ANKRD31: variants seen among roughly 807,000 people sequenced by gnomAD.
The protein encoded by ANKRD31 is ankyrin repeat domain 31.
A neutral mutation model predicts 186.0 loss-of-function variants in ANKRD31; 147 were observed. The ratio of observed to expected loss-of-function variants is 0.79; its 90% CI spans 0.69 to 0.91. The LOEUF (loss-of-function observed/expected upper bound fraction) is 0.91. Among genes scored for constraint, ANKRD31 ranks in the 40% least tolerant of loss-of-function variants. The pLI, the probability that ANKRD31 is intolerant of heterozygous loss-of-function variation, is 0.00. For synonymous variants in ANKRD31, 673 were observed against 736.4 expected (o/e 0.91, Z 1.39); for missense variants, 1,986 against 2,148.8 (o/e 0.92, Z 1.50).
At chr5:75,199,757 T>C (rs940647973) in intron 5 of ANKRD31, 83 bp from the exon 6 acceptor site, 47 of 990,356 alleles carry the variant, frequency 4.7e-5, no homozygotes, top group Non-Finnish European at 6.4e-5. Context: ...CATAATCATA[T>C]AACTTAAACT....
intron 15 of ANKRD31, among the ~76,000 whole-genome samples, chr5:75,142,783 A>C (rs549615738): frequency 9.9e-5 from 15 of 152,222 alleles, no homozygotes; most frequent in Admixed American, 3.3e-4. Flanking sequence ...TGTTTTAGGG[A>C]ATCCCAGATG....
chr5:75,075,862 C>G (rs1298933708), intron 25 of ANKRD31, among the ~76,000 whole-genome samples: 1 of 152,124 alleles, frequency 6.6e-6, no homozygotes, highest in Non-Finnish European at 1.5e-5. Flanking sequence ...GGATGTTTTA[C>G]TCTGGATCCA....
At chr5:75,232,934 T>C (rs1458263971) in intron 1 of ANKRD31, among the ~76,000 whole-genome samples, 1 of 152,230 alleles carries the variant, frequency 6.6e-6, no homozygotes, top group Non-Finnish European at 1.5e-5. Context: ...CAAACAGATC[T>C]TGTTAAAATA....
chr5:75,208,274 T>C (rs1756381692), intron 4 of ANKRD31, among the ~76,000 whole-genome samples: 1 of 152,130 alleles, frequency 6.6e-6, no homozygotes, highest in African/African-American at 2.4e-5. Context: ...ATAGCCTTTT[T>C]GGATAATTGT....
intron 17 of ANKRD31, 59 bp downstream of exon 17, chr5:75,137,797 T>C: frequency 7.7e-7 from 1 of 1,307,184 alleles, no homozygotes. Context: ...AAAATCTTCA[T>C]TTTCTTCATT....
chr5:75,220,854 C>G (rs1481764675), intron 3 of ANKRD31, among the ~76,000 whole-genome samples: 2 of 152,116 alleles, frequency 1.3e-5, no homozygotes, highest in Admixed American at 1.3e-4. Context: ...AACCCCAGCA[C>G]TTTGGGAGGT....
At position 75,117,960 on chromosome 5, in the gene ANKRD31, A is replaced by G. The variant is rs181989030; in HGVS notation, c.4039+175T>C. 9.7e-4 allele frequency among the ~76,000 whole-genome samples: 147 copies of G among 152,280 alleles called. 1 individual carries two copies. Among genetic ancestry groups the G allele is most frequent in the Non-Finnish European group, 1.8e-3 (120 of 68,020 alleles). On this transcript the variant is annotated intron_variant, in intron 18 of 25. Transcript: ENST00000506364. The stretch of plus-strand genomic sequence containing the variant: ...ATCCAGTAGGATCATATGATCTATA[A>G]ATTAAACCAAATTGTAAATGCCAAT...
intron 17 of ANKRD31, among the ~76,000 whole-genome samples, chr5:75,127,184 CA>C (rs5868764): frequency 0.24 from 28,384 of 120,186 alleles, 2,786 homozygotes; most frequent in South Asian, 0.43. Context: ...GACTCCATCT[CA>C]AAAAAAAAAA....
intron 22 of ANKRD31, among the ~76,000 whole-genome samples, chr5:75,098,742 TG>T (rs1246414506): frequency 3.3e-5 from 5 of 152,242 alleles, no homozygotes; most frequent in Non-Finnish European, 5.9e-5. Context: ...TGTCTGTTGT[TG>T]GTGTATAGAA....
At chr5:75,083,721 A>G (rs1745263772) in intron 24 of ANKRD31, among the ~76,000 whole-genome samples, 1 of 149,856 alleles carries the variant, frequency 6.7e-6, no homozygotes, top group Admixed American at 6.7e-5. Context: ...CAAGGGCAAA[A>G]CTCTCGTCTC....
At chr5:75,142,602 TA>T (rs1403730082) in intron 15 of ANKRD31, among the ~76,000 whole-genome samples, 5 of 152,128 alleles carry the variant, frequency 3.3e-5, no homozygotes, top group African/African-American at 1.2e-4. Context: ...ATATCTTTCA[TA>T]TTGGTGTTTT....
chr5:75,155,161 CA>C (rs1752081214), intron 11 of ANKRD31, among the ~76,000 whole-genome samples: 1 of 152,010 alleles, frequency 6.6e-6, no homozygotes, highest in South Asian at 2.1e-4. Context: ...AAATACAATG[CA>C]AAATAAGTTT....
intron 3 of ANKRD31, among the ~76,000 whole-genome samples, chr5:75,213,090 C>A (rs1380184759): frequency 2.0e-5 from 3 of 152,094 alleles, no homozygotes; most frequent in African/African-American, 7.2e-5. Context: ...CCTAAACACC[C>A]CAAAGTTACA....
At chr5:75,131,641 T>C (rs1322327613) in intron 17 of ANKRD31, among the ~76,000 whole-genome samples, 1 of 152,210 alleles carries the variant, frequency 6.6e-6, no homozygotes, top group Non-Finnish European at 1.5e-5. Flanking sequence ...CGTCCCTGTC[T>C]GACAGCTTTG....
Position 75,188,542 on chromosome 5 carries a change from A to G in ANKRD31, c.1515T>C (p.Val505=), listed in dbSNP as rs1754889474. ...TTCCACCTTTTTTTATACAATGATG[A>G]ACAAGATCAGCATCATCGTGTAGAG... ...KAALHDDADL[V]HHCIKKGGNV... The change falls in exon 10 of 26, where the codon GTT becomes GTC. Residue 505 remains valine, a synonymous_variant. Transcript: ENST00000506364. The G allele has an allele frequency of 6.5e-7, 1 of 1,536,308 alleles. No individual in the cohort carries two copies.
At chr5:75,199,212 G>T (rs10077292) in intron 6 of ANKRD31, among the ~76,000 whole-genome samples, 75 of 151,974 alleles carry the variant, frequency 4.9e-4, no homozygotes, top group Admixed American at 4.7e-3. Context: ...TATCTCACTG[G>T]GGAGGTCTTT....
Position 75,146,259 on chromosome 5 carries a change from G to A in ANKRD31, c.3152C>T (p.Thr1051Ile). ...CTTTGCCATCTTTTCCACAATATGT[G>A]TATCTGTTTGATTCATTAAAAAAGT... ...APTFLMNQTD[T>I]HIVEKMAKNC... Residue 1051 changes from threonine to isoleucine, a missense_variant, in exon 14 of 26, where the codon ACA (threonine) becomes ATA (isoleucine). Transcript: ENST00000506364. 1 of 1,536,364 alleles carries A rather than the reference G, an allele frequency of 6.5e-7. No homozygotes were observed. The highest frequency in any genetic ancestry group is 1.4e-5 in the African/African-American group (1 of 73,044).
intron 11 of ANKRD31, among the ~76,000 whole-genome samples, chr5:75,161,630 G>C (rs1040167190): frequency 5.3e-4 from 81 of 152,148 alleles, no homozygotes; most frequent in African/African-American, 1.9e-3. Flanking sequence ...ATGTCCCCAG[G>C]GCATGACAGA....
Position 75,203,673 on chromosome 5 carries a change from A to AAAAAAAG in ANKRD31, c.403+2737_403+2738insCTTTTTT, listed in dbSNP as rs1554092026. On this transcript the variant is annotated intron_variant, in intron 5 of 25. Transcript: ENST00000506364. ...GAGAGGATCCATCTCAAAAAAAAAA[A>AAAAAAAG]AAAAGAAAAGAAAAGAAAAGAAAAG... Among the ~76,000 whole-genome samples, 825 of 148,266 alleles carry AAAAAAAG rather than the reference A, an allele frequency of 5.6e-3. 7 individuals carry two copies. Among genetic ancestry groups the AAAAAAAG allele is most frequent in the African/African-American group, 0.018 (714 of 39,642 alleles).
Sources: gnomAD v4.1 joint callset for allele counts (sites outside exome capture counted in the v4.1 genomes callset) on GRCh38, gnomAD v4.1.1 for gene constraint, MANE v1.5 for transcripts, NCBI Gene and HGNC (gene_info 2026-07-23, HGNC 2026-07-21) for gene names.